Variants in NCBP3 observed in about 807,000 individuals in gnomAD.
The protein encoded by NCBP3 is nuclear cap binding subunit 3, also known as nuclear cap-binding protein subunit 3.
In NCBP3, 20 loss-of-function variants were observed where a neutral mutation model predicts 75.7. That is an observed-to-expected ratio of 0.26 (90% confidence interval 0.19 to 0.38). NCBP3 has a LOEUF of 0.38. Among genes scored for constraint, NCBP3 ranks in the 10% least tolerant of loss-of-function variants. The probability of loss-of-function intolerance (pLI) is 1.00; values close to 1 mark genes in which losing one functional copy is unlikely to be tolerated. For missense variants in NCBP3, 678 were observed against 796.9 expected (o/e 0.85, Z 1.80); for synonymous variants, 293 against 290.5 (o/e 1.01, Z -0.09).
rs1395022586 is a variant in NCBP3, at chr17:3,843,244, T to A, written c.184-93A>T. 18 of 155,530 alleles carry A rather than the reference T, an allele frequency of 1.2e-4. No homozygotes were observed. In the South Asian group the frequency reaches 1.2e-3, roughly 10 times the overall value. 9.6% of individuals were successfully genotyped at this position (155,530 alleles called of 1,614,324 possible). On this transcript the variant is annotated intron_variant, in intron 1 of 12. Transcript: ENST00000389005. ...CTGACATCTGCAGGTTCTTTTTTCCTTTTTTTTTTTTTTTTGTTGGTGACA... is the reference window on the plus strand; with the variant it reads ...CTGACATCTGCAGGTTCTTTTTTCCATTTTTTTTTTTTTTTGTTGGTGACA...
At position 3,816,187 on chromosome 17, in the gene NCBP3, T is replaced by A. The variant is rs750165594; in HGVS notation, c.1394A>T (p.Asp465Val). Residue 465 changes from aspartate (D) to valine (V), a missense_variant, in exon 11 of 13, where the codon GAT becomes GTT. By Grantham distance (152) the Asp-to-Val change is radical. Around this residue, in one of 7 missense-constraint regions of NCBP3, gnomAD observed 365 missense variants for 392.7 expected, o/e 0.93. Transcript: ENST00000389005. ...GNKLPPEKFA[D>V]VRHLLDEKRQ... ...TTTCTCATCTAATAGATGTCGGACA[T>A]CTGCAAATTTCTCAGGTGGTAATTT... The A allele has an allele frequency of 6.2e-7, 1 of 1,614,156 alleles. No homozygotes were observed. The highest frequency in any genetic ancestry group is 8.5e-7 in the Non-Finnish European group (1 of 1,180,006).
At chr17:3,843,195 G>A in intron 1 of NCBP3, 44 bp from the exon 2 acceptor site, 1 of 1,486,050 alleles carries the variant, frequency 6.7e-7, no homozygotes, top group Non-Finnish European at 9.2e-7. Flanking sequence ...AGCAATTGAG[G>A]AAAAACCTAT....
intron 3 of NCBP3, among the ~76,000 whole-genome samples, chr17:3,838,133 G>A (rs1031088042): frequency 2.0e-5 from 3 of 152,156 alleles, no homozygotes; most frequent in East Asian, 1.9e-4. Context: ...TAGATTCTAC[G>A]AGGCTTTTGC....
chr17:3,829,216 A>C (rs1216170321), intron 4 of NCBP3, 27 bp downstream of exon 4: 2 of 1,550,310 alleles, frequency 1.3e-6, no homozygotes, highest in South Asian at 2.4e-5. Flanking sequence ...ACAAAAGCAT[A>C]TTCACAGGAA....
intron 2 of NCBP3, among the ~76,000 whole-genome samples, chr17:3,842,611 AACAC>A (rs1161884745): frequency 6.6e-6 from 1 of 152,200 alleles, no homozygotes; most frequent in African/African-American, 2.4e-5. Flanking sequence ...TGGCTGTAAG[AACAC>A]ACAAATGCTG....
At position 3,832,453 on chromosome 17, in the gene NCBP3, A is replaced by AC. The variant is rs1364462376; in HGVS notation, c.356-3086dup. 8.5e-5 allele frequency among the ~76,000 whole-genome samples: 10 copies of AC among 117,306 alleles called. 2 individuals are homozygous for AC. The highest frequency in any genetic ancestry group is 7.7e-5 in the African/African-American group (3 of 38,780). The allele number at this position is 117,306 out of a possible 152,430, so 77.0% of individuals were successfully genotyped here. A position where few individuals can be genotyped will look rare whatever the true frequency, so the allele number is the denominator to read the frequency against. ...AGACCATCCTGGCCAACACGGTGAA[A>AC]CCCCGTCTCTACTAAAAATACAAAA... On this transcript the variant is annotated intron_variant, in intron 3 of 12. Coordinates refer to ENST00000389005, the MANE Select transcript of NCBP3 (RefSeq NM_001114118.3).
intron 3 of NCBP3, among the ~76,000 whole-genome samples, chr17:3,837,138 A>G (rs536755490): frequency 6.7e-6 from 1 of 149,020 alleles, no homozygotes; most frequent in Non-Finnish European, 1.5e-5. Flanking sequence ...ACAGAGCAAG[A>G]CTCCTTCTCA....
At chr17:3,813,342 G>A (rs1221243551) in intron 12 of NCBP3, 63 bp from the exon 13 acceptor site, 2 of 1,585,500 alleles carry the variant, frequency 1.3e-6, no homozygotes, top group East Asian at 2.2e-5. Context: ...TAGCACTGAG[G>A]GGGCAGCAGC....
rs1051497127 is a variant in NCBP3 at position 3,809,752 on chromosome 17, T to C, written c.*3292A>G. 6 of 151,486 alleles carry C rather than the reference T, an allele frequency of 4.0e-5. No homozygotes were observed. Among genetic ancestry groups the C allele is most frequent in the African/African-American group, 1.5e-4 (6 of 41,180 alleles). 9.4% of individuals were successfully genotyped at this position (151,486 alleles called of 1,614,324 possible). ...GAAATATATATATATAGCCCTAAAG[T>C]AGAAACAACTCAAATGCCCATTAAC... is the stretch of plus-strand genomic sequence containing the variant. On this transcript the variant is annotated 3_prime_UTR_variant, in exon 13 of 13. Coordinates refer to ENST00000389005, the MANE Select transcript of NCBP3 (RefSeq NM_001114118.3).
intron 1 of NCBP3, 92 bp from the exon 2 acceptor site, chr17:3,843,243 C>CTTTTTTTTTTTT (rs5818919): frequency 1.6e-6 from 1 of 631,304 alleles, no homozygotes; most frequent in African/African-American, 2.1e-5. Flanking sequence ...TTCTTTTTTC[C>CTTTTTTTTTTTT]TTTTTTTTTT....
intron 3 of NCBP3, among the ~76,000 whole-genome samples, chr17:3,831,353 C>G (rs1039538886): frequency 6.6e-6 from 1 of 151,636 alleles, no homozygotes; most frequent in African/African-American, 2.4e-5. Context: ...GCAGGCAGAT[C>G]ACGAGGTCAA....
intron 3 of NCBP3, among the ~76,000 whole-genome samples, chr17:3,832,307 C>T (rs1945578262): frequency 8.4e-6 from 1 of 119,476 alleles, no homozygotes; most frequent in South Asian, 3.0e-4. Context: ...TATGTACCCA[C>T]AAAAATTAAA....
Position 3,846,085 on chromosome 17 carries a change from G to C in NCBP3, c.139C>G (p.Leu47Val). The C allele has an allele frequency of 6.5e-7, 1 of 1,549,118 alleles. No homozygotes were observed. Among genetic ancestry groups the C allele is most frequent in the South Asian group, 1.2e-5 (1 of 84,038 alleles). Reference sequence around the variant, plus strand: ...GAGCGCCGCACAGGCACGATTTCCAGCTCGCCCTCCTCCACCTCCATGGGC... The same window carrying C: ...GAGCGCCGCACAGGCACGATTTCCACCTCGCCCTCCTCCACCTCCATGGGC... ...PEPMEVEEGE[L>V]EIVPVRRSLK... Residue 47 changes from leucine (L) to valine (V), a missense_variant, in exon 1 of 13, where the codon CTG becomes GTG. Leu to Val is a conservative substitution (Grantham distance 32). This residue lies in a region of NCBP3 where 46 missense variants were observed against 82.8 expected (regional missense o/e 0.56). Transcript: ENST00000389005. This position sits in a 1 kb window ranked among gnomAD's most constrained non-coding sequence, Gnocchi z 4.6.
chr17:3,827,939 G>A lies in NCBP3; in HGVS notation c.481+1304C>T, dbSNP rs182030401. On this transcript the variant is annotated intron_variant, in intron 4 of 12. Transcript: ENST00000389005. ...GTTTTTGTTTTTTCTTTCTTTTTGAGATGGAGTCTCACTCTGTTGCCCAGG... is the reference window on the plus strand; with the variant it reads ...GTTTTTGTTTTTTCTTTCTTTTTGAAATGGAGTCTCACTCTGTTGCCCAGG... Among the ~76,000 whole-genome samples, 443 of 152,190 alleles carry A rather than the reference G, an allele frequency of 2.9e-3. 3 individuals are homozygous for A. Among genetic ancestry groups the A allele is most frequent in the African/African-American group, 0.01 (423 of 41,524 alleles).
intron 3 of NCBP3, 73 bp downstream of exon 3, chr17:3,840,027 A>T (rs866179065): frequency 5.9e-6 from 7 of 1,195,508 alleles, no homozygotes; most frequent in Middle Eastern, 3.8e-4. Context: ...CAAGGCCAGA[A>T]GCATGAGGTG....
At position 3,846,029 on chromosome 17, in the gene NCBP3, C is replaced by T. The variant is rs759984987; in HGVS notation, c.183+12G>A. The T allele has an allele frequency of 3.9e-6, 6 of 1,545,856 alleles. No homozygotes were observed. In the East Asian group the frequency reaches 1.3e-4, roughly 32 times the overall value. On this transcript the variant is annotated intron_variant, in intron 1 of 12. Coordinates refer to ENST00000389005, the MANE Select transcript of NCBP3 (RefSeq NM_001114118.3). The surrounding 1 kb of genome is among the most constrained non-coding windows in gnomAD (Gnocchi z 4.6). ...CGCGACCTCTTCCTTACCCCCCGAC[C>T]CCCGCCCGTACCGGGATCAGTTCCT... is the stretch of plus-strand genomic sequence containing the variant.
Position 3,812,590 on chromosome 17 carries a change from CCTCGAA to C in NCBP3, c.*448_*453del. ...AGCTGGCCGCTTCCCTCCTCTTCCC[CCTCGAA>C]GGATGTCCAATAAGCACCTGGGAAT... On this transcript the variant is annotated 3_prime_UTR_variant, in exon 13 of 13. Coordinates refer to ENST00000389005, the MANE Select transcript of NCBP3 (RefSeq NM_001114118.3). 6 of 1,011,964 alleles carry C rather than the reference CCTCGAA, an allele frequency of 5.9e-6. No individual in the cohort carries two copies. The Admixed American group carries it at 1.6e-4, about 26-fold the overall frequency. 62.7% of individuals were successfully genotyped at this position (1,011,964 alleles called of 1,614,324 possible).
At chr17:3,819,656 T>C (rs2053625077) in intron 9 of NCBP3, among the ~76,000 whole-genome samples, 1 of 152,112 alleles carries the variant, frequency 6.6e-6, no homozygotes, top group Non-Finnish European at 1.5e-5. Flanking sequence ...GATTCAGTAT[T>C]TGCTACTTCA....
intron 4 of NCBP3, among the ~76,000 whole-genome samples, chr17:3,828,640 C>A (rs982253849): frequency 1.3e-5 from 2 of 151,954 alleles, no homozygotes; most frequent in South Asian, 4.1e-4. Flanking sequence ...AGTAAGCAGG[C>A]AAGTTAAAAA....
Sources: gnomAD v4.1 joint callset for allele counts (sites outside exome capture counted in the v4.1 genomes callset) on GRCh38, gnomAD v4.1.1 for gene constraint, gnomAD v4.1.1 regional missense constraint, Gnocchi (gnomAD v3.1) non-coding constraint, MANE v1.5 for transcripts, NCBI Gene and HGNC (gene_info 2026-07-23, HGNC 2026-07-21) for gene names.